TRIM2: variants seen among roughly 807,000 people sequenced by gnomAD.
TRIM2 encodes the protein tripartite motif containing 2.
In TRIM2, 20 loss-of-function variants were observed where a neutral mutation model predicts 75.2. The observed-to-expected ratio is 0.27, with a 90% CI of 0.19 to 0.39. TRIM2 has a LOEUF of 0.39. Among genes scored for constraint, TRIM2 ranks in the 10% least tolerant of loss-of-function variants. TRIM2 has a pLI of 1.00. For missense variants in TRIM2, 660 were observed against 990.8 expected, an observed-to-expected ratio of 0.67 and a Z score of 4.48; for synonymous variants, 373 against 388.3, an observed-to-expected ratio of 0.96 and a Z score of 0.46.
chr4:153,181,846 G>A (rs547284927), intron 1 of TRIM2, among the ~76,000 whole-genome samples: 11 of 152,272 alleles, frequency 7.2e-5, no homozygotes, highest in African/African-American at 2.6e-4. Context: ...GATGACTCAG[G>A]AGGGGGCTGT....
chr4:153,326,935 G>T (rs1467789368), intron 10 of TRIM2, among the ~76,000 whole-genome samples: 1 of 142,552 alleles, frequency 7.0e-6, no homozygotes, highest in East Asian at 2.0e-4. Context: ...AGCCAAGATT[G>T]TGCCACTGCA....
At chr4:153,260,415 G>A (rs1435228323) in intron 1 of TRIM2, among the ~76,000 whole-genome samples, 2 of 151,970 alleles carry the variant, frequency 1.3e-5, no homozygotes, top group East Asian at 1.9e-4. Flanking sequence ...GGCTGCCAAA[G>A]GTGAGGCAAT....
chr4:153,339,106 G>A lies in TRIM2; in HGVS notation c.*4140G>A, dbSNP rs937760884. The A allele has an allele frequency of 1.6e-5, 16 of 985,644 alleles. No homozygotes were observed. Among genetic ancestry groups the A allele is most frequent in the Non-Finnish European group, 1.9e-5 (16 of 829,926 alleles). 61.1% of individuals were successfully genotyped at this position (985,644 alleles called of 1,614,324 possible). A position where few individuals can be genotyped will look rare whatever the true frequency, so the allele number is the denominator to read the frequency against. On this transcript the variant is annotated 3_prime_UTR_variant, in exon 12 of 12. Coordinates refer to ENST00000338700, the MANE Select transcript of TRIM2 (RefSeq NM_015271.5). ...CATTTGTTCTTTTATGAATCAAAATGTTGACTGCCTATTTAAAGAAAAGAA... is the reference window on the plus strand; with the variant it reads ...CATTTGTTCTTTTATGAATCAAAATATTGACTGCCTATTTAAAGAAAAGAA...
intron 1 of TRIM2, among the ~76,000 whole-genome samples, chr4:153,223,309 G>A (rs530732083): frequency 2.6e-5 from 4 of 152,298 alleles, no homozygotes; most frequent in Admixed American, 2.6e-4. Context: ...TCAGTCACCC[G>A]CGTCATGCAG....
intron 3 of TRIM2, among the ~76,000 whole-genome samples, chr4:153,283,298 A>G (rs1759779797): frequency 6.6e-6 from 1 of 152,202 alleles, no homozygotes; most frequent in Non-Finnish European, 1.5e-5. Flanking sequence ...CATTTGATAT[A>G]AATGGAATCA....
At chr4:153,329,555 G>T (rs895336450) in intron 11 of TRIM2, among the ~76,000 whole-genome samples, 10 of 151,732 alleles carry the variant, frequency 6.6e-5, no homozygotes, top group African/African-American at 2.4e-4. Context: ...GAAATTAAAG[G>T]CTGGGCGCTG....
intron 8 of TRIM2, among the ~76,000 whole-genome samples, chr4:153,317,932 C>G (rs1202420374): frequency 6.6e-6 from 1 of 152,064 alleles, no homozygotes; most frequent in African/African-American, 2.4e-5. Context: ...TGCACTGCAG[C>G]CTAGGTGACA....
At chr4:153,200,811 T>A (rs1368876699), upstream of TRIM2, among the ~76,000 whole-genome samples, 1 of 148,294 alleles carries the variant, frequency 6.7e-6, no homozygotes, top group African/African-American at 2.5e-5. Context: ...TTTTTTTTCC[T>A]TATTATTGTT....
At chr4:153,238,782 G>A (rs758562552) in intron 1 of TRIM2, among the ~76,000 whole-genome samples, 3 of 152,176 alleles carry the variant, frequency 2.0e-5, no homozygotes, top group Non-Finnish European at 4.4e-5. Flanking sequence ...AGCATGTCCA[G>A]CACTTGAAGA....
chr4:153,191,726 G>A (rs1276920943), intron 1 of TRIM2, among the ~76,000 whole-genome samples: 1 of 152,204 alleles, frequency 6.6e-6, no homozygotes, highest in Non-Finnish European at 1.5e-5. Flanking sequence ...TGACAAGGTT[G>A]AAAGGATTTT....
At chr4:153,293,912 G>A (rs1762299605) in intron 4 of TRIM2, among the ~76,000 whole-genome samples, 1 of 152,194 alleles carries the variant, frequency 6.6e-6, no homozygotes, top group South Asian at 2.1e-4. Context: ...AGGGGGTTGG[G>A]GAGAGGGAGG....
chr4:153,212,706 A>C (rs80162858), intron 1 of TRIM2, among the ~76,000 whole-genome samples: 3,284 of 152,222 alleles, frequency 0.022, 118 homozygotes, highest in African/African-American at 0.075. Flanking sequence ...TGCAGACTGG[A>C]GATTTAGGAA....
intron 1 of TRIM2, among the ~76,000 whole-genome samples, chr4:153,197,391 A>G (rs186228941): frequency 8.5e-5 from 13 of 152,302 alleles, no homozygotes; most frequent in African/African-American, 2.9e-4. Flanking sequence ...CTTCAATGTC[A>G]CTGAAGGCTA....
At chr4:153,167,909 T>C (rs1446272482) in intron 1 of TRIM2, among the ~76,000 whole-genome samples, 1 of 152,228 alleles carries the variant, frequency 6.6e-6, no homozygotes, top group Non-Finnish European at 1.5e-5. Context: ...TTCTGCAGAC[T>C]TTCTGACTTG....
intron 1 of TRIM2, among the ~76,000 whole-genome samples, chr4:153,163,496 T>A (rs888044782): frequency 0.013 from 618 of 48,120 alleles, 9 homozygotes; most frequent in African/African-American, 0.046. Flanking sequence ...GATTTACATC[T>A]TTTTTTTTTT....
intron 1 of TRIM2, among the ~76,000 whole-genome samples, chr4:153,169,243 G>A (rs536911379): frequency 5.3e-5 from 8 of 152,264 alleles, no homozygotes; most frequent in Admixed American, 2.0e-4. Flanking sequence ...GAGTGGAGAG[G>A]CTGTTACTTA....
chr4:153,207,898 A>G lies in TRIM2; in HGVS notation c.30+3338A>G, dbSNP rs1032182019. Among the ~76,000 whole-genome samples the G allele has an allele frequency of 5.3e-5, 8 of 152,350 alleles. No homozygotes were observed. The South Asian group carries it at 1.7e-3, about 32-fold the overall frequency. Reference sequence around the variant, plus strand: ...CTCCCCGGAGGAACTCATGAGCCGTAAGTTAAACATGGTTTGAAATCACCC... The same window carrying G: ...CTCCCCGGAGGAACTCATGAGCCGTGAGTTAAACATGGTTTGAAATCACCC... On this transcript the variant is annotated intron_variant, in intron 1 of 11. Coordinates refer to ENST00000338700, the MANE Select transcript of TRIM2 (RefSeq NM_015271.5).
chr4:153,209,308 TA>T (rs1201782659), intron 1 of TRIM2, among the ~76,000 whole-genome samples: 2 of 152,218 alleles, frequency 1.3e-5, no homozygotes, highest in African/African-American at 4.8e-5. Context: ...CATGCTGTTT[TA>T]TCACTCCGAT....
Position 153,221,799 on chromosome 4 carries a change from C to T in TRIM2, c.30+17239C>T, listed in dbSNP as rs907729777. On this transcript the variant is annotated intron_variant, in intron 1 of 11. Coordinates refer to ENST00000338700, the MANE Select transcript of TRIM2 (RefSeq NM_015271.5). ...GGAAAGAAGAAAAGGAAGGAAAGAG[C>T]GAGGAAGGAAGGGAGGGAGGGAGGA... 3.5e-3 allele frequency among the ~76,000 whole-genome samples: 127 copies of T among 36,246 alleles called. 1 individual carries two copies. Among genetic ancestry groups the T allele is most frequent in the Non-Finnish European group, 4.1e-3 (101 of 24,782 alleles). 23.8% of individuals were successfully genotyped at this position (36,246 alleles called of 152,430 possible). A position where few individuals can be genotyped will look rare whatever the true frequency, so the allele number is the denominator to read the frequency against.
Sources: gnomAD v4.1 joint callset for allele counts (sites outside exome capture counted in the v4.1 genomes callset) on GRCh38, gnomAD v4.1.1 for gene constraint, MANE v1.5 for transcripts, NCBI Gene and HGNC (gene_info 2026-07-23, HGNC 2026-07-21) for gene names.